Variants in FLT1 observed in about 807,000 individuals in gnomAD.
FLT1 encodes fms related receptor tyrosine kinase 1, also known as vascular endothelial growth factor receptor 1.
FLT1 carries 49 observed loss-of-function variants against 156.3 expected under a neutral mutation model. The observed-to-expected ratio is 0.31, with a 90% CI of 0.25 to 0.40. FLT1 has a LOEUF of 0.40. FLT1 is among the 10% of genes least tolerant of loss of function. The pLI is 1.00. For missense variants in FLT1, 1,322 were observed against 1,637.2 expected (o/e 0.81, Z 3.32); for synonymous variants, 594 against 583.8 (o/e 1.02, Z -0.25).
At chr13:28,381,764 T>C (rs1350243420) in intron 14 of FLT1, among the ~76,000 whole-genome samples, 2 of 152,172 alleles carry the variant, frequency 1.3e-5, no homozygotes, top group African/African-American at 4.8e-5. Context: ...TTTTCCATTC[T>C]ACATGTTAGA....
chr13:28,405,794 C>G lies in FLT1; in HGVS notation c.1537G>C (p.Glu513Gln), dbSNP rs1875753016. ...ACAAACAATACCTTATTCTTTCCTT[C>G]TATTATTGCCATGCGCTGAGTGATG... ...ESITQRMAII[E>Q]GKNKMASTLV... Residue 513 changes from glutamate (E) to glutamine (Q), a missense_variant, in exon 11 of 30, where the codon GAA (glutamate) becomes CAA (glutamine). Physicochemically the swap from Glu to Gln is conservative, Grantham distance 29. Transcript: ENST00000282397. The G allele has an allele frequency of 6.3e-7, 1 of 1,579,428 alleles. No individual in the cohort carries two copies. Among genetic ancestry groups the G allele is most frequent in the Non-Finnish European group, 8.7e-7 (1 of 1,148,956 alleles).
chr13:28,441,780 A>C (rs1338990855), intron 3 of FLT1, among the ~76,000 whole-genome samples: 6 of 150,670 alleles, frequency 4.0e-5, no homozygotes, highest in African/African-American at 7.5e-5. Context: ...TTCTCTGCCC[A>C]AAAAAAGTTA....
chr13:28,489,487 G>A (rs1224657949), intron 1 of FLT1, among the ~76,000 whole-genome samples: 1 of 152,186 alleles, frequency 6.6e-6, no homozygotes, highest in East Asian at 1.9e-4. Context: ...TACTGAAGGA[G>A]GAGTACACCT....
At chr13:28,303,460 G>T in intron 29 of FLT1, 92 bp from the exon 30 acceptor site, 3 of 1,016,906 alleles carry the variant, frequency 3.0e-6, no homozygotes, top group South Asian at 1.4e-5. Context: ...TGGGTCATTT[G>T]TTCATACCTG....
Position 28,405,816 on chromosome 13 carries a change from G to A in FLT1, c.1515C>T (p.Ile505=), listed in dbSNP as rs1340208377. 1.2e-6 allele frequency: 2 copies of A among 1,606,494 alleles called. No individual in the cohort carries two copies. Among genetic ancestry groups the A allele is most frequent in the South Asian group, 2.2e-5 (2 of 90,940 alleles). Residue 505 remains isoleucine, a synonymous_variant, in exon 11 of 30, where the codon ATC becomes ATT. Coordinates refer to ENST00000282397, the MANE Select transcript of FLT1 (RefSeq NM_002019.4). ...CTTCTATTATTGCCATGCGCTGAGT[G>A]ATGCTCTCAATTCTGTTTCCCATGT... The part of the protein sequence containing the change: ...DSNMGNRIES[I]TQRMAIIEGK...
intron 1 of FLT1, among the ~76,000 whole-genome samples, chr13:28,494,533 G>C (rs1410618679): frequency 6.6e-6 from 1 of 152,186 alleles, no homozygotes; most frequent in Non-Finnish European, 1.5e-5. Context: ...GCCCCAGCGC[G>C]GACCCGGTCT....
intron 7 of FLT1, among the ~76,000 whole-genome samples, chr13:28,430,776 C>T (rs1877631338): frequency 6.6e-6 from 1 of 152,144 alleles, no homozygotes; most frequent in East Asian, 1.9e-4. Flanking sequence ...TTTTATTTCT[C>T]TAATTCATGG....
At chr13:28,347,791 G>C (rs1208364409) in intron 15 of FLT1, among the ~76,000 whole-genome samples, 1 of 152,142 alleles carries the variant, frequency 6.6e-6, no homozygotes, top group Non-Finnish European at 1.5e-5. Flanking sequence ...ATTCACCAAA[G>C]ACTCACAAAA....
At chr13:28,314,882 G>A (rs564052886) in intron 25 of FLT1, among the ~76,000 whole-genome samples, 1 of 152,302 alleles carries the variant, frequency 6.6e-6, no homozygotes, top group African/African-American at 2.4e-5. Flanking sequence ...CTGAGGCACG[G>A]GAGCTACCTG....
intron 18 of FLT1, 59 bp from the exon 19 acceptor site, chr13:28,329,787 G>A: frequency 3.5e-6 from 5 of 1,417,068 alleles, no homozygotes; most frequent in Non-Finnish European, 4.9e-6. Flanking sequence ...TTCCGCCGGA[G>A]GCGGCATTCT....
At chr13:28,431,650 T>A (rs955242027) in intron 6 of FLT1, among the ~76,000 whole-genome samples, 1 of 152,208 alleles carries the variant, frequency 6.6e-6, no homozygotes, top group Non-Finnish European at 1.5e-5. Context: ...CTGGCCCAAG[T>A]TGGCTAGGAA....
chr13:28,354,332 T>A (rs905256958), intron 15 of FLT1, among the ~76,000 whole-genome samples: 15 of 152,208 alleles, frequency 9.9e-5, no homozygotes, highest in Non-Finnish European at 8.8e-5. Context: ...AATTTCTTCC[T>A]GTGCAAAGTT....
At chr13:28,414,953 T>C (rs1056221398) in intron 10 of FLT1, among the ~76,000 whole-genome samples, 1 of 152,026 alleles carries the variant, frequency 6.6e-6, no homozygotes, top group Admixed American at 6.5e-5. Flanking sequence ...ACCTCTCCAT[T>C]TGCAATGATG....
rs1210263660 is a variant in FLT1 at position 28,467,094 on chromosome 13, A to G, written c.197T>C (p.Met66Thr). Residue 66 changes from methionine to threonine, a missense_variant, in exon 3 of 30, where the codon ATG becomes ACG. Around this residue, in one of 3 missense-constraint regions of FLT1, gnomAD observed 991 missense variants for 1,254.8 expected, o/e 0.79. Coordinates refer to ENST00000282397, the MANE Select transcript of FLT1 (RefSeq NM_002019.4). ...EAAHKWSLPEMVSKESERLSI... is the reference protein window; with the variant it reads ...EAAHKWSLPETVSKESERLSI... ...CAGCCTTTCGCTTTCCTTACTCACC[A>G]TTTCAGGCAAAGACCATTTATGGGC... is the stretch of plus-strand genomic sequence containing the variant. 3.1e-6 allele frequency: 5 copies of G among 1,613,988 alleles called. No homozygotes were observed. The highest frequency in any genetic ancestry group is 4.2e-6 in the Non-Finnish European group (5 of 1,180,004).
intron 14 of FLT1, among the ~76,000 whole-genome samples, chr13:28,361,303 A>T (rs1230380169): frequency 6.6e-6 from 1 of 152,068 alleles, no homozygotes; most frequent in African/African-American, 2.4e-5. Context: ...AAAGAAATGT[A>T]AAAAACACAC....
chr13:28,366,578 T>C (rs190057241), intron 14 of FLT1, among the ~76,000 whole-genome samples: 59 of 152,174 alleles, frequency 3.9e-4, no homozygotes, highest in African/African-American at 1.3e-3. Context: ...CAAGAGATTC[T>C]CTTGCCTCAG....
chr13:28,438,923 G>A (rs563864330), intron 3 of FLT1, among the ~76,000 whole-genome samples: 35 of 152,302 alleles, frequency 2.3e-4, no homozygotes, highest in African/African-American at 7.2e-4. Context: ...AGGGGGAGGC[G>A]GACAGGCCGG....
Position 28,327,570 on chromosome 13 carries a change from T to A in FLT1, c.2708-20A>T. 1 of 1,537,232 alleles carries A rather than the reference T, an allele frequency of 6.5e-7. No homozygotes were observed. Among genetic ancestry groups the A allele is most frequent in the South Asian group, 1.1e-5 (1 of 89,502 alleles). On this transcript the variant is annotated intron_variant, in intron 19 of 29. Coordinates refer to ENST00000282397, the MANE Select transcript of FLT1 (RefSeq NM_002019.4). The stretch of plus-strand genomic sequence containing the variant: ...GAGGCCCTGCAGCCAAAACAGCACA[T>A]GCTCATGCTCAGCCACACCAAGCCA...
chr13:28,373,742 G>A (rs1333760197), intron 14 of FLT1, among the ~76,000 whole-genome samples: 1 of 151,978 alleles, frequency 6.6e-6, no homozygotes, highest in Non-Finnish European at 1.5e-5. Context: ...CACTCTAAGA[G>A]CCCAGGCACT....
Sources: gnomAD v4.1 joint callset for allele counts (sites outside exome capture counted in the v4.1 genomes callset) on GRCh38, gnomAD v4.1.1 for gene constraint, gnomAD v4.1.1 regional missense constraint, MANE v1.5 for transcripts, NCBI Gene and HGNC (gene_info 2026-07-23, HGNC 2026-07-21) for gene names.